CYP2E1: variants seen among roughly 807,000 people sequenced by gnomAD.
CYP2E1 encodes cytochrome P450 2E1.
In CYP2E1, 31 loss-of-function variants were observed where a neutral mutation model predicts 42.9. The observed-to-expected ratio is 0.72, with a 90% CI of 0.54 to 0.98. The LOEUF (loss-of-function observed/expected upper bound fraction) is 0.98. Among genes scored for constraint, CYP2E1 ranks in the 50% least tolerant of loss-of-function variants. The pLI is 0.00. For synonymous variants in CYP2E1, 244 were observed against 248.9 expected, an observed-to-expected ratio of 0.98 and a Z score of 0.19; for missense variants, 565 against 633.2, an observed-to-expected ratio of 0.89 and a Z score of 1.16.
chr10:133,533,682 C>A, intron 5 of CYP2E1, 74 bp from the exon 6 acceptor site: 1 of 1,537,046 alleles, frequency 6.5e-7, no homozygotes, highest in South Asian at 1.2e-5. Flanking sequence ...CCCTGTGGAG[C>A]TGGGAGGTGG....
Position 133,532,702 on chromosome 10 carries a change from A to G in CYP2E1, c.659A>G (p.Asn220Ser). The change falls in exon 5 of 9, where the codon AAT becomes AGT. Residue 220 changes from asparagine to serine, a missense_variant. Transcript: ENST00000252945. The stretch of plus-strand genomic sequence containing the variant: ...TTTTTCCCTCTCTAGCTTTACAATA[A>G]TTTTCCCAGCTTTCTACACTACTTG... ...LSTPWLQLYNNFPSFLHYLPG... is the reference protein window; with the variant it reads ...LSTPWLQLYNSFPSFLHYLPG... The G allele has an allele frequency of 6.3e-7, 1 of 1,593,426 alleles. No individual in the cohort carries two copies. Among genetic ancestry groups the G allele is most frequent in the South Asian group, 1.2e-5 (1 of 86,946 alleles).
In CYP2E1 at chr10:133,537,801, A is replaced by C; in HGVS notation, c.1206A>C (p.Glu402Asp). 2 of 1,613,874 alleles carry C rather than the reference A, an allele frequency of 1.2e-6. No individual in the cohort carries two copies. Among genetic ancestry groups the C allele is most frequent in the Non-Finnish European group, 1.7e-6 (2 of 1,179,800 alleles). The change falls in exon 8 of 9, where the codon GAA becomes GAC. Residue 402 changes from glutamate (E) to aspartate (D), a missense_variant. Coordinates refer to ENST00000252945, the MANE Select transcript of CYP2E1 (RefSeq NM_000773.4). ...ACTCTGTTTTGTATGACAACCAAGAATTTCCTGATCCAGAAAAGTTTAAGC... is the reference window on the plus strand; with the variant it reads ...ACTCTGTTTTGTATGACAACCAAGACTTTCCTGATCCAGAAAAGTTTAAGC... The part of the protein sequence containing the change: ...TLDSVLYDNQ[E>D]FPDPEKFKPE...
intron 6 of CYP2E1, 57 bp from the exon 7 acceptor site, chr10:133,537,006 G>C: frequency 1.3e-6 from 2 of 1,531,992 alleles, no homozygotes; most frequent in Non-Finnish European, 1.8e-6. Context: ...ATGATGGGTG[G>C]ATGCCCAACT....
Position 133,539,022 on chromosome 10 carries a change from G to T in CYP2E1, c.*58G>T. 7.1e-7 allele frequency: 1 copy of T among 1,417,466 alleles called. No homozygotes were observed. 87.8% of individuals were successfully genotyped at this position (1,417,466 alleles called of 1,614,324 possible). ...CAAACAAGTTTTCAAATTGTTTGAG[G>T]TCAGGATTTCTCAAACTGATTCCTT... On this transcript the variant is annotated 3_prime_UTR_variant, in exon 9 of 9. Transcript: ENST00000252945.
At chr10:133,535,249 G>T (rs566556934) in intron 6 of CYP2E1, among the ~76,000 whole-genome samples, 1 of 152,178 alleles carries the variant, frequency 6.6e-6, no homozygotes, top group East Asian at 1.9e-4. Flanking sequence ...CAGGAGAATC[G>T]CTTCAACCTC....
intron 6 of CYP2E1, 35 bp from the exon 7 acceptor site, chr10:133,537,028 A>G: frequency 7.0e-7 from 1 of 1,422,388 alleles, no homozygotes; most frequent in Non-Finnish European, 9.7e-7. Flanking sequence ...GCCAGGAACC[A>G]ATCCCTGAAA....
chr10:133,528,329 C>T, intron 1 of CYP2E1, 152 bp from the exon 2 acceptor site: 1 of 869,584 alleles, frequency 1.1e-6, no homozygotes, highest in Non-Finnish European at 1.7e-6. Flanking sequence ...GGGAGGGTCT[C>T]CCCCACCTCG....
chr10:133,531,654 A>G lies in CYP2E1; in HGVS notation c.407A>G (p.Tyr136Cys), dbSNP rs759059865. ...RRFSLTTLRN[Y>C]GMGKQGNESR... ...TTTTCCCTGACCACCCTCCGGAACT[A>G]TGGGATGGGGAAACAGGGCAATGAG... The change falls in exon 3 of 9, where the codon TAT (tyrosine) becomes TGT (cysteine). Residue 136 changes from tyrosine to cysteine, a missense_variant. Coordinates refer to ENST00000252945, the MANE Select transcript of CYP2E1 (RefSeq NM_000773.4). 1.9e-5 allele frequency: 31 copies of G among 1,613,662 alleles called. No individual in the cohort carries two copies. The South Asian group carries it at 3.1e-4, about 16-fold the overall frequency.
intron 1 of CYP2E1, among the ~76,000 whole-genome samples, 174 bp downstream of exon 1, chr10:133,527,746 G>A (rs535673588): frequency 6.6e-6 from 1 of 152,334 alleles, no homozygotes; most frequent in Admixed American, 6.5e-5. Context: ...TGGTGCAGCT[G>A]GAGCCCGGAG....
At chr10:133,531,917 G>A in intron 3 of CYP2E1, 183 bp downstream of exon 3, 1 of 770,288 alleles carries the variant, frequency 1.3e-6, no homozygotes, top group Non-Finnish European at 2.0e-6. Context: ...AGGGAGCAAG[G>A]GTGGCCATTA....
chr10:133,536,524 GTT>G (rs1851400109), intron 6 of CYP2E1, among the ~76,000 whole-genome samples: 4 of 104,668 alleles, frequency 3.8e-5, no homozygotes, highest in Non-Finnish European at 8.4e-5. Context: ...TGGGTGGATG[GTT>G]GGATGTATAG....
chr10:133,530,764 TA>T (rs1369097109), intron 2 of CYP2E1, among the ~76,000 whole-genome samples: 2 of 152,046 alleles, frequency 1.3e-5, no homozygotes, highest in African/African-American at 4.8e-5. Context: ...AGAGAGGGGC[TA>T]GGGGCCCCTG....
chr10:133,537,933 C>A, intron 8 of CYP2E1, 41 bp downstream of exon 8: 2 of 1,591,462 alleles, frequency 1.3e-6, no homozygotes, highest in South Asian at 1.1e-5. Flanking sequence ...TGAGGAGCAG[C>A]CCACACTCCT....
intron 2 of CYP2E1, among the ~76,000 whole-genome samples, chr10:133,529,744 C>A (rs980015466): frequency 1.3e-5 from 2 of 152,224 alleles, no homozygotes; most frequent in Non-Finnish European, 2.9e-5. Context: ...CGGGGGTCGC[C>A]GGCTCCAGCT....
chr10:133,530,358 T>A (rs1440378930), intron 2 of CYP2E1, among the ~76,000 whole-genome samples: 1 of 152,162 alleles, frequency 6.6e-6, no homozygotes, highest in Non-Finnish European at 1.5e-5. Context: ...AAATGGGTCA[T>A]CTCGGGATGT....
intron 2 of CYP2E1, 46 bp from the exon 3 acceptor site, chr10:133,531,539 C>T: frequency 6.2e-7 from 1 of 1,607,756 alleles, no homozygotes; most frequent in Non-Finnish European, 8.5e-7. Flanking sequence ...CATTTCTCCC[C>T]AAAATGGGTA....
rs200955165 is a variant in CYP2E1 at position 133,531,696 on chromosome 10, A to C, written c.449A>C (p.Glu150Ala). Residue 150 changes from glutamate to alanine, a missense_variant, in exon 3 of 9, where the codon GAG (glutamate) becomes GCG (alanine). Physicochemically the swap from Glu to Ala is moderately radical, Grantham distance 107 (BLOSUM62 -1). Transcript: ENST00000252945. Reference protein sequence around the residue: ...KQGNESRIQREAHFLLEALRK... With the variant: ...KQGNESRIQRAAHFLLEALRK... Reference sequence around the variant, plus strand: ...GGCAATGAGAGCCGGATCCAGAGGGAGGCCCACTTCCTGCTGGAAGCACTC... The same window carrying C: ...GGCAATGAGAGCCGGATCCAGAGGGCGGCCCACTTCCTGCTGGAAGCACTC... 6.2e-7 allele frequency: 1 copy of C among 1,610,724 alleles called. No individual in the cohort carries two copies. Among genetic ancestry groups the C allele is most frequent in the East Asian group, 2.2e-5 (1 of 44,868 alleles).
In CYP2E1 at chr10:133,533,828, G is replaced by A. The variant is rs761515989; in HGVS notation, c.898G>A (p.Gly300Arg). Residue 300 changes from glycine to arginine, a missense_variant, in exon 6 of 9, where the codon GGG becomes AGG. Transcript: ENST00000252945. Reference protein sequence around the residue: ...TVTVADLFFAGTETTSTTLRY... With the variant: ...TVTVADLFFARTETTSTTLRY... ...GACTGTGGCCGACCTGTTCTTTGCG[G>A]GGACAGAGACCACCAGCACAACTCT... 2 of 1,614,166 alleles carry A rather than the reference G, an allele frequency of 1.2e-6. No individual in the cohort carries two copies. The highest frequency in any genetic ancestry group is 1.7e-5 in the Admixed American group (1 of 60,038).
chr10:133,528,473 CT>C lies in CYP2E1; in HGVS notation c.178-7del. 6.2e-7 allele frequency: 1 copy of C among 1,612,320 alleles called. No individual in the cohort carries two copies. Among genetic ancestry groups the C allele is most frequent in the Non-Finnish European group, 8.5e-7 (1 of 1,179,562 alleles). ...GCGGGCCTGACTTCTAGCCACGGGTCTCCGCAGTTGGCCCAGCGCTTCGGGC... is the reference window on the plus strand; with the variant it reads ...GCGGGCCTGACTTCTAGCCACGGGTCCCGCAGTTGGCCCAGCGCTTCGGGC... On this transcript the variant is annotated splice_polypyrimidine_tract_variant and splice_region_variant and intron_variant, in intron 1 of 8. Coordinates refer to ENST00000252945, the MANE Select transcript of CYP2E1 (RefSeq NM_000773.4).
Sources: allele counts gnomAD v4.1 joint callset (sites outside exome capture counted in the v4.1 genomes callset), GRCh38; gene constraint gnomAD v4.1.1; transcripts MANE v1.5; gene names NCBI Gene and HGNC (gene_info 2026-07-23, HGNC 2026-07-21).